Variants in GNA14 observed in about 807,000 individuals in gnomAD.
The protein encoded by GNA14 is G protein subunit alpha 14.
Under a neutral mutation model 42.0 loss-of-function variants are expected in GNA14, and 50 were observed. That is an observed-to-expected ratio of 1.19 (90% confidence interval 0.95 to 1.51). The LOEUF (loss-of-function observed/expected upper bound fraction) is 1.51, where lower values mean the gene tolerates loss of function less well. Ranked by LOEUF, GNA14 falls within the 40% of genes most tolerant of loss-of-function variation. The pLI is 0.00. For missense variants in GNA14, 473 were observed against 446.2 expected, an observed-to-expected ratio of 1.06 and a Z score of -0.54; for synonymous variants, 173 against 163.1, an observed-to-expected ratio of 1.06 and a Z score of -0.46.
intron 1 of GNA14, among the ~76,000 whole-genome samples, chr9:77,644,520 CA>C (rs1314747629): frequency 3.3e-5 from 5 of 149,628 alleles, no homozygotes; most frequent in Non-Finnish European, 7.4e-5. Flanking sequence ...AGTGAGAAGG[CA>C]GCTGTCTGCA....
intron 1 of GNA14, among the ~76,000 whole-genome samples, chr9:77,586,224 A>G (rs1393822653): frequency 6.6e-6 from 1 of 152,208 alleles, no homozygotes; most frequent in Non-Finnish European, 1.5e-5. Flanking sequence ...AAAGAGCACC[A>G]ATTAGGGGTC....
At chr9:77,645,417 G>A (rs1219531722) in intron 1 of GNA14, among the ~76,000 whole-genome samples, 1 of 152,210 alleles carries the variant, frequency 6.6e-6, no homozygotes, top group Non-Finnish European at 1.5e-5. Context: ...TTTACAGATT[G>A]AAATAAATCA....
chr9:77,519,908 A>AAC (rs1837324333), intron 2 of GNA14, among the ~76,000 whole-genome samples: 1 of 151,962 alleles, frequency 6.6e-6, no homozygotes, highest in East Asian at 1.9e-4. Flanking sequence ...TACTCGGGGG[A>AAC]CTGAGGCAGG....
At chr9:77,582,449 A>G (rs886859633) in intron 1 of GNA14, among the ~76,000 whole-genome samples, 6 of 152,180 alleles carry the variant, frequency 3.9e-5, no homozygotes, top group Non-Finnish European at 5.9e-5. Context: ...ATAGAGTCCA[A>G]TCTCCTTAAC....
intron 2 of GNA14, among the ~76,000 whole-genome samples, chr9:77,461,166 G>T (rs752302988): frequency 3.5e-4 from 54 of 152,304 alleles, no homozygotes; most frequent in Non-Finnish European, 2.8e-4. Context: ...AGGGCTGCAG[G>T]GGGTGGCATC....
At chr9:77,548,401 A>G (rs778707678) in intron 1 of GNA14, among the ~76,000 whole-genome samples, 4 of 152,130 alleles carry the variant, frequency 2.6e-5, no homozygotes, top group South Asian at 2.1e-4. Context: ...CAGAGACCCT[A>G]TTTCCAAATA....
At position 77,489,826 on chromosome 9, in the gene GNA14, G is replaced by A. The variant is rs1040584834; in HGVS notation, c.309+39243C>T. Among the ~76,000 whole-genome samples, 9 of 152,176 alleles carry A rather than the reference G, an allele frequency of 5.9e-5. No homozygotes were observed. The East Asian group carries it at 9.6e-4, about 16-fold the overall frequency. ...GAGTGTTACAGCTCATAAAAGCAGC[G>A]TGGACCCAAAGAGTGAGCAGTAGCA... On this transcript the variant is annotated intron_variant, in intron 2 of 6. Coordinates refer to ENST00000341700, the MANE Select transcript of GNA14 (RefSeq NM_004297.4).
At chr9:77,463,474 C>G (rs1836154486) in intron 2 of GNA14, among the ~76,000 whole-genome samples, 1 of 152,184 alleles carries the variant, frequency 6.6e-6, no homozygotes. Context: ...TAAAAATCTC[C>G]CAGCCCGGGG....
chr9:77,603,656 T>C (rs116433671), intron 1 of GNA14, among the ~76,000 whole-genome samples: 394 of 151,954 alleles, frequency 2.6e-3, no homozygotes, highest in Non-Finnish European at 4.3e-3. Context: ...CAGCCAGCAA[T>C]GTGTCACGGG....
intron 1 of GNA14, among the ~76,000 whole-genome samples, chr9:77,586,630 C>T (rs919490068): frequency 1.3e-5 from 2 of 152,178 alleles, no homozygotes; most frequent in Non-Finnish European, 2.9e-5. Flanking sequence ...CCAAGTGGGC[C>T]TTCTAGTCCG....
chr9:77,559,292 A>C (rs1822842786), intron 1 of GNA14, among the ~76,000 whole-genome samples: 1 of 152,214 alleles, frequency 6.6e-6, no homozygotes, highest in Non-Finnish European at 1.5e-5. Context: ...TTTGACAACC[A>C]GCACAGCTCC....
intron 3 of GNA14, chr9:77,431,736 G>A (rs553130524): frequency 6.5e-5 from 19 of 294,518 alleles, no homozygotes; most frequent in East Asian, 5.2e-4. Context: ...TTTGACCAGC[G>A]AGGGAGACAG....
chr9:77,606,127 T>C (rs1281866157), intron 1 of GNA14, among the ~76,000 whole-genome samples: 1 of 152,204 alleles, frequency 6.6e-6, no homozygotes, highest in African/African-American at 2.4e-5. Flanking sequence ...GCTTTATTAC[T>C]CTAGCAGAAG....
intron 1 of GNA14, among the ~76,000 whole-genome samples, chr9:77,639,287 T>A (rs1264860548): frequency 6.6e-6 from 1 of 152,224 alleles, no homozygotes; most frequent in Admixed American, 6.5e-5. Flanking sequence ...TAAATAGCAC[T>A]GACTATGTGC....
chr9:77,442,064 C>T (rs1835745309), intron 2 of GNA14, among the ~76,000 whole-genome samples: 1 of 152,120 alleles, frequency 6.6e-6, no homozygotes, highest in South Asian at 2.1e-4. Context: ...TGCAAATATG[C>T]TTGAAAGTAG....
intron 1 of GNA14, among the ~76,000 whole-genome samples, chr9:77,618,876 G>A (rs954363574): frequency 7.3e-5 from 11 of 150,564 alleles, no homozygotes; most frequent in Admixed American, 2.0e-4. Flanking sequence ...CTCGTGATCC[G>A]CCCGCCTCGG....
At chr9:77,585,190 G>T (rs1028353698) in intron 1 of GNA14, among the ~76,000 whole-genome samples, 1 of 152,108 alleles carries the variant, frequency 6.6e-6, no homozygotes, top group Non-Finnish European at 1.5e-5. Flanking sequence ...GGAAGAGTGC[G>T]TATGAGACCA....
intron 1 of GNA14, among the ~76,000 whole-genome samples, chr9:77,601,982 C>G (rs1823573621): frequency 6.6e-6 from 1 of 152,192 alleles, no homozygotes; most frequent in African/African-American, 2.4e-5. Flanking sequence ...GTGCTCAGTC[C>G]TGCATCATGT....
intron 2 of GNA14, chr9:77,517,537 A>C (rs2131756328): frequency 6.7e-6 from 1 of 148,906 alleles, no homozygotes; most frequent in Middle Eastern, 3.5e-3. Flanking sequence ...TCTTCACTGC[A>C]AGTCTGTGTA....
Sources: allele counts gnomAD v4.1 joint callset (sites outside exome capture counted in the v4.1 genomes callset), GRCh38; gene constraint gnomAD v4.1.1; transcripts MANE v1.5; gene names NCBI Gene and HGNC (gene_info 2026-07-23, HGNC 2026-07-21).